DPP10: variants seen among roughly 807,000 people sequenced by gnomAD.
The protein encoded by DPP10 is dipeptidyl peptidase like 10.
DPP10 carries 33 observed loss-of-function variants against 120.9 expected under a neutral mutation model. The observed-to-expected ratio is 0.27, with a 90% CI of 0.21 to 0.37. The LOEUF is 0.37. DPP10 is among the 10% of genes least tolerant of loss of function. The probability of loss-of-function intolerance (pLI) is 1.00; values close to 1 mark genes in which losing one functional copy is unlikely to be tolerated. For synonymous variants in DPP10, 337 were observed against 326.1 expected, an observed-to-expected ratio of 1.03 and a Z score of -0.36; for missense variants, 816 against 942.8, an observed-to-expected ratio of 0.87 and a Z score of 1.76.
At chr2:115,387,868 CAATT>C (rs1404853829) in intron 3 of DPP10, among the ~76,000 whole-genome samples, 2 of 151,780 alleles carry the variant, frequency 1.3e-5, no homozygotes, top group African/African-American at 2.4e-5. Context: ...AGGCAATACA[CAATT>C]AAATCAACAA....
chr2:114,636,856 A>G (rs1189867185), intron 1 of DPP10, among the ~76,000 whole-genome samples: 1 of 151,820 alleles, frequency 6.6e-6, no homozygotes, highest in Non-Finnish European at 1.5e-5. Context: ...AGAGGGATTC[A>G]CTTTGAATAT....
chr2:114,646,002 A>G (rs1696094689), intron 1 of DPP10, among the ~76,000 whole-genome samples: 1 of 151,962 alleles, frequency 6.6e-6, no homozygotes, highest in African/African-American at 2.4e-5. Flanking sequence ...TCTACTAAAA[A>G]TACAAAAACT....
chr2:114,464,089 TC>T (rs1362357917), intron 1 of DPP10, among the ~76,000 whole-genome samples: 1 of 152,220 alleles, frequency 6.6e-6, no homozygotes, highest in African/African-American at 2.4e-5. Flanking sequence ...AAATAAAACT[TC>T]TAGAAACATT....
intron 1 of DPP10, among the ~76,000 whole-genome samples, chr2:115,146,986 T>C (rs1256906280): frequency 1.3e-5 from 2 of 152,136 alleles, no homozygotes; most frequent in Non-Finnish European, 2.9e-5. Flanking sequence ...ATTTTTGTTA[T>C]AACAGTGCAT....
intron 1 of DPP10, among the ~76,000 whole-genome samples, chr2:114,960,381 T>TAG (rs1390373682): frequency 3.3e-5 from 5 of 149,860 alleles, no homozygotes; most frequent in Non-Finnish European, 7.4e-5. Flanking sequence ...TATATATATA[T>TAG]ATATACTTTT....
chr2:115,105,440 AG>A (rs2048901918), intron 1 of DPP10, among the ~76,000 whole-genome samples: 1 of 149,658 alleles, frequency 6.7e-6, no homozygotes, highest in South Asian at 2.1e-4. Context: ...AGAGAGAGAG[AG>A]AGAGAGAGAG....
intron 1 of DPP10, among the ~76,000 whole-genome samples, chr2:115,175,343 CT>C (rs952961046): frequency 5.6e-4 from 85 of 152,108 alleles, no homozygotes; most frequent in African/African-American, 2.0e-3. Flanking sequence ...GCTTGGTATG[CT>C]CTGTCTTGAG....
At chr2:115,576,741 G>T (rs1210464505) in intron 5 of DPP10, among the ~76,000 whole-genome samples, 1 of 152,070 alleles carries the variant, frequency 6.6e-6, no homozygotes, top group Non-Finnish European at 1.5e-5. Context: ...TGTGCCGAAA[G>T]CCACTCACAA....
chr2:115,205,628 C>T (rs531652401), intron 1 of DPP10, among the ~76,000 whole-genome samples: 4 of 152,222 alleles, frequency 2.6e-5, no homozygotes, highest in South Asian at 4.1e-4. Context: ...GAATTAACCT[C>T]GGTGCCCATC....
chr2:115,756,483 A>G (rs1679420615), intron 11 of DPP10, among the ~76,000 whole-genome samples: 1 of 152,142 alleles, frequency 6.6e-6, no homozygotes, highest in African/African-American at 2.4e-5. Flanking sequence ...CTAAAAATAA[A>G]AGGAAAATAC....
intron 1 of DPP10, among the ~76,000 whole-genome samples, chr2:115,053,711 T>G (rs1448240469): frequency 6.6e-6 from 1 of 152,220 alleles, no homozygotes; most frequent in Non-Finnish European, 1.5e-5. Context: ...ATTTCATGGC[T>G]TGTTGTGCAT....
At chr2:114,771,710 G>A (rs142032833) in intron 1 of DPP10, among the ~76,000 whole-genome samples, 37 of 152,296 alleles carry the variant, frequency 2.4e-4, no homozygotes, top group African/African-American at 8.7e-4. Flanking sequence ...AAGGGAGCAT[G>A]TGATTTTCAA....
chr2:115,322,535 C>T (rs2062113653), intron 2 of DPP10, among the ~76,000 whole-genome samples: 1 of 152,104 alleles, frequency 6.6e-6, no homozygotes, highest in African/African-American at 2.4e-5. Flanking sequence ...TTACTTCCTG[C>T]CTCTCTTATT....
At chr2:114,818,422 G>A (rs1428957350) in intron 1 of DPP10, among the ~76,000 whole-genome samples, 1 of 152,102 alleles carries the variant, frequency 6.6e-6, no homozygotes, top group Non-Finnish European at 1.5e-5. Context: ...TATTAATTGA[G>A]TTAGTGATGC....
At chr2:114,639,960 T>C (rs1489079269) in intron 1 of DPP10, among the ~76,000 whole-genome samples, 3 of 151,948 alleles carry the variant, frequency 2.0e-5, no homozygotes, top group Non-Finnish European at 2.9e-5. Context: ...AGATTTTCTT[T>C]GATTTTTTTT....
At chr2:115,375,797 C>A (rs140495788) in intron 3 of DPP10, among the ~76,000 whole-genome samples, 2 of 152,204 alleles carry the variant, frequency 1.3e-5, no homozygotes, top group East Asian at 3.9e-4. Context: ...AGAGAGAGAG[C>A]AAGGGCGCAG....
At chr2:115,734,538 C>A (rs970266634) in intron 8 of DPP10, among the ~76,000 whole-genome samples, 7 of 151,626 alleles carry the variant, frequency 4.6e-5, no homozygotes, top group African/African-American at 1.7e-4. Context: ...CACCTGTAGT[C>A]CCAGCTACTT....
At chr2:115,636,823 G>A (rs1461488091) in intron 5 of DPP10, among the ~76,000 whole-genome samples, 1 of 152,066 alleles carries the variant, frequency 6.6e-6, no homozygotes, top group Non-Finnish European at 1.5e-5. Flanking sequence ...ACTTAAACAG[G>A]GAGTCAGACT....
At chr2:115,302,545 A>G (rs1285510704) in intron 1 of DPP10, among the ~76,000 whole-genome samples, 1 of 152,002 alleles carries the variant, frequency 6.6e-6, no homozygotes, top group Non-Finnish European at 1.5e-5. Flanking sequence ...TGAGCCCAGG[A>G]GGTTGATACT....
Sources: allele counts gnomAD v4.1 joint callset (sites outside exome capture counted in the v4.1 genomes callset), GRCh38; gene constraint gnomAD v4.1.1; transcripts MANE v1.5; gene names NCBI Gene and HGNC (gene_info 2026-07-23, HGNC 2026-07-21).